BYSL: variants seen among roughly 807,000 people sequenced by gnomAD.
BYSL encodes bystin like, also known as bystin.
Under a neutral mutation model 45.4 loss-of-function variants are expected in BYSL, and 21 were observed. The observed-to-expected ratio is 0.46, with a 90% CI of 0.33 to 0.67. BYSL has a LOEUF of 0.67. Among genes scored for constraint, BYSL ranks in the 30% least tolerant of loss-of-function variants. The probability of loss-of-function intolerance (pLI) is 0.02; values close to 1 mark genes in which losing one functional copy is unlikely to be tolerated. For missense variants in BYSL, 522 were observed against 578.5 expected (o/e 0.90, Z 1.00); for synonymous variants, 215 against 231.3 (o/e 0.93, Z 0.64).
At position 41,926,139 on chromosome 6, in the gene BYSL, G is replaced by A. The variant is rs187303204; in HGVS notation, c.269-1235G>A. 1.3e-3 allele frequency among the ~76,000 whole-genome samples: 201 copies of A among 152,232 alleles called. 1 individual carries two copies. Among genetic ancestry groups the A allele is most frequent in the African/African-American group, 4.5e-3 (188 of 41,526 alleles). On this transcript the variant is annotated intron_variant, in intron 1 of 6. Coordinates refer to ENST00000230340, the MANE Select transcript of BYSL (RefSeq NM_004053.4). Reference sequence around the variant, plus strand: ...TATATCCAAGCCTTATTTTCTCTGCGTCTGGAACACACTCCTTCTGCTCCC... The same window carrying A: ...TATATCCAAGCCTTATTTTCTCTGCATCTGGAACACACTCCTTCTGCTCCC...
Position 41,930,630 on chromosome 6 carries a change from C to T in BYSL, c.571-5C>T. On this transcript the variant is annotated splice_region_variant and splice_polypyrimidine_tract_variant and intron_variant, in intron 3 of 6. Transcript: ENST00000230340. The stretch of plus-strand genomic sequence containing the variant: ...CGATGATTGTTTTACCTCCCTCATC[C>T]CTAGGTATTATCTAAGTACCGCAGT... The T allele has an allele frequency of 1.9e-6, 3 of 1,606,992 alleles. No individual in the cohort carries two copies. The highest frequency in any genetic ancestry group is 8.5e-7 in the Non-Finnish European group (1 of 1,177,504).
At position 41,930,122 on chromosome 6, in the gene BYSL, C is replaced by G. The variant is rs774305785; in HGVS notation, c.432-10C>G. ...CCTCTCTCCCCTCCTCTTGGCACTT[C>G]CCCTCTTAGGCGCACCCTGGCTGAC... On this transcript the variant is annotated splice_polypyrimidine_tract_variant and intron_variant, in intron 2 of 6. Transcript: ENST00000230340. 1.2e-6 allele frequency: 2 copies of G among 1,614,060 alleles called. No homozygotes were observed. Among genetic ancestry groups the G allele is most frequent in the Non-Finnish European group, 1.7e-6 (2 of 1,179,956 alleles).
chr6:41,919,128 CAAAAAAAAA>C (rs35512146), upstream of BYSL, among the ~76,000 whole-genome samples: 5 of 44,888 alleles, frequency 1.1e-4, no homozygotes, highest in East Asian at 3.3e-3. Context: ...GACTCTGCCT[CAAAAAAAAA>C]AAAAAAAAAA....
At chr6:41,915,789 A>AACACACACACACACACACACACAC in the BYSL span, among the ~76,000 whole-genome samples, 14,506 of 148,444 alleles carry the variant, frequency 0.098, 816 homozygotes, top group East Asian at 0.18. Context: ...TCCGTCTCAA[A>AACACACACACACACACACACACAC]ACACACACAC....
the BYSL span, chr6:41,909,061 G>A: frequency 5.5e-5 from 35 of 636,978 alleles, no homozygotes; most frequent in African/African-American, 5.9e-4. Context: ...GTAGTCCCAG[G>A]TACTTGGGAG....
chr6:41,912,073 C>A, the BYSL span, among the ~76,000 whole-genome samples: 4 of 149,470 alleles, frequency 2.7e-5, no homozygotes, highest in African/African-American at 9.9e-5. Context: ...TTTTGAGACA[C>A]GGTGTTGCTC....
Position 41,932,888 on chromosome 6 carries a change from T to C in BYSL, c.*182T>C. ...GACTGAGGGTCTGGCTGGTTCCCTCTTCCATTCTAGGCCCTTATCCCTGTT... is the reference window on the plus strand; with the variant it reads ...GACTGAGGGTCTGGCTGGTTCCCTCCTCCATTCTAGGCCCTTATCCCTGTT... On this transcript the variant is annotated 3_prime_UTR_variant, in exon 7 of 7. Coordinates refer to ENST00000230340, the MANE Select transcript of BYSL (RefSeq NM_004053.4). This position sits in a 1 kb window ranked among gnomAD's most constrained non-coding sequence, Gnocchi z 4.7. 2 of 676,452 alleles carry C rather than the reference T, an allele frequency of 3.0e-6. No individual in the cohort carries two copies. The highest frequency in any genetic ancestry group is 2.0e-5 in the South Asian group (1 of 50,406). 41.9% of individuals were successfully genotyped at this position (676,452 alleles called of 1,614,324 possible). A position where few individuals can be genotyped will look rare whatever the true frequency, so the allele number is the denominator to read the frequency against.
chr6:41,912,751 G>A, the BYSL span, among the ~76,000 whole-genome samples: 21 of 152,238 alleles, frequency 1.4e-4, no homozygotes, highest in African/African-American at 4.8e-4. Context: ...TTCTAAAGAT[G>A]AGGAAAATGA....
chr6:41,921,119 C>T, upstream of BYSL: 1 of 1,479,284 alleles, frequency 6.8e-7, no homozygotes, highest in Non-Finnish European at 9.3e-7. Flanking sequence ...CCTTCTGTCT[C>T]AGAAGGGACT....
chr6:41,923,680 C>T (rs746522267), intron 1 of BYSL, among the ~76,000 whole-genome samples: 6 of 152,218 alleles, frequency 3.9e-5, no homozygotes, highest in African/African-American at 1.2e-4. Context: ...ACGACCCTCC[C>T]TGCCTTGGCC....
chr6:41,928,040 C>T (rs888937062), intron 2 of BYSL, among the ~76,000 whole-genome samples: 1 of 152,154 alleles, frequency 6.6e-6, no homozygotes, highest in Admixed American at 6.5e-5. Context: ...TAGCAACCTT[C>T]CCCCAGTTGT....
At chr6:41,927,853 C>A (rs895999213) in intron 2 of BYSL, among the ~76,000 whole-genome samples, 1 of 152,112 alleles carries the variant, frequency 6.6e-6, no homozygotes, top group African/African-American at 2.4e-5. Context: ...GTTTTTTTAG[C>A]GGTAAGCTCA....
chr6:41,914,390 T>C, the BYSL span, among the ~76,000 whole-genome samples: 1 of 152,106 alleles, frequency 6.6e-6, no homozygotes, highest in Admixed American at 6.6e-5. Flanking sequence ...AAATACAGCT[T>C]ACAGGGAAAG....
At chr6:41,919,114 G>A (rs1775393449), upstream of BYSL, among the ~76,000 whole-genome samples, 1 of 137,422 alleles carries the variant, frequency 7.3e-6, no homozygotes, top group African/African-American at 2.8e-5. Flanking sequence ...GGGCAACAGA[G>A]TGAGACTCTG....
At chr6:41,921,096 T>C (rs1775454567), upstream of BYSL, 2 of 1,573,200 alleles carry the variant, frequency 1.3e-6, no homozygotes, top group Non-Finnish European at 1.7e-6. Flanking sequence ...ACTCCTTCAG[T>C]TCCCCAACAC....
chr6:41,930,513 C>T (rs1582074286), intron 3 of BYSL, 122 bp from the exon 4 acceptor site: 10 of 1,363,916 alleles, frequency 7.3e-6, no homozygotes, highest in East Asian at 2.3e-5. Context: ...ATGGCACCTC[C>T]TTATAGGTTA....
At position 41,921,597 on chromosome 6, in the gene BYSL, GT is replaced by G. The variant is rs1382743733; in HGVS notation, c.36del (p.Gln13ArgfsTer42). 6.3e-7 allele frequency: 1 copy of G among 1,597,870 alleles called. No individual in the cohort carries two copies. Among genetic ancestry groups the G allele is most frequent in the Non-Finnish European group, 8.5e-7 (1 of 1,170,028 alleles). ...TTCAAGGCGGCCCGTGGGGTGGGGG[GT>G]CAGGAAAAACATGCGCCCCTGGCCG... ...PKFKAARGVG[G>X]QEKHAPLADQ... On this transcript the variant is annotated frameshift_variant, in exon 1 of 7. Transcript: ENST00000230340. LOFTEE classifies it high-confidence loss of function.
chr6:41,917,608 G>A (rs1035121973), upstream of BYSL: 3 of 364,618 alleles, frequency 8.2e-6, no homozygotes, highest in African/African-American at 4.2e-5. Flanking sequence ...CAGGATTCTC[G>A]CACCAGGGCA....
chr6:41,910,374 G>A, the BYSL span, among the ~76,000 whole-genome samples: 9 of 152,186 alleles, frequency 5.9e-5, no homozygotes, highest in African/African-American at 4.8e-5. Flanking sequence ...GCTCCCACCC[G>A]TAATCCCAAC....
Sources: gnomAD v4.1 joint callset for allele counts (sites outside exome capture counted in the v4.1 genomes callset) on GRCh38, gnomAD v4.1.1 for gene constraint, Gnocchi (gnomAD v3.1) non-coding constraint, MANE v1.5 for transcripts, NCBI Gene and HGNC (gene_info 2026-07-23, HGNC 2026-07-21) for gene names.